NUMBL: variants seen among roughly 807,000 people sequenced by gnomAD.
NUMBL encodes NUMB like endocytic adaptor protein, also known as numb-like protein.
NUMBL carries 20 observed loss-of-function variants against 48.9 expected under a neutral mutation model. The ratio of observed to expected loss-of-function variants is 0.41; its 90% CI spans 0.29 to 0.59. NUMBL has a LOEUF of 0.59. Among genes scored for constraint, NUMBL ranks in the 20% least tolerant of loss-of-function variants. The pLI, the probability that NUMBL is intolerant of heterozygous loss-of-function variation, is 0.31. For missense variants in NUMBL, 660 were observed against 846.2 expected, an observed-to-expected ratio of 0.78 and a Z score of 2.73; for synonymous variants, 340 against 348.7, an observed-to-expected ratio of 0.98 and a Z score of 0.28.
At chr19:40,678,903 C>T (rs1264539949) in intron 6 of NUMBL, among the ~76,000 whole-genome samples, 1 of 152,040 alleles carries the variant, frequency 6.6e-6, no homozygotes, top group Non-Finnish European at 1.5e-5. Flanking sequence ...CCAGCCTGGC[C>T]AACATGGTGA....
intron 7 of NUMBL, among the ~76,000 whole-genome samples, chr19:40,676,021 C>T (rs1175468411): frequency 3.3e-5 from 5 of 152,026 alleles, no homozygotes; most frequent in East Asian, 1.9e-4. Context: ...TGCACCACCA[C>T]GCCTGGCTAA....
chr19:40,669,746 T>G, intron 9 of NUMBL, 152 bp downstream of exon 9: 17 of 922,400 alleles, frequency 1.8e-5, no homozygotes, highest in Non-Finnish European at 2.5e-5. Flanking sequence ...AGATGATCCA[T>G]GGTTGTAGGA....
At chr19:40,675,169 A>C (rs1264779402) in intron 7 of NUMBL, among the ~76,000 whole-genome samples, 1 of 148,372 alleles carries the variant, frequency 6.7e-6, no homozygotes, top group East Asian at 1.9e-4. Flanking sequence ...AAAAAAAAAA[A>C]ACTTAGCTGG....
At chr19:40,677,685 A>G (rs10426415) in intron 6 of NUMBL, among the ~76,000 whole-genome samples, 24,282 of 152,034 alleles carry the variant, frequency 0.16, 2,165 homozygotes, top group African/African-American at 0.23. Context: ...TTCTATGGTG[A>G]AAAAAAGTCA....
intron 2 of NUMBL, among the ~76,000 whole-genome samples, chr19:40,686,506 A>C (rs2081935189): frequency 6.6e-6 from 1 of 152,188 alleles, no homozygotes; most frequent in Non-Finnish European, 1.5e-5. Flanking sequence ...GTCTGTATCC[A>C]GCGAGCGTCT....
chr19:40,679,045 C>T (rs1284479840), intron 6 of NUMBL, among the ~76,000 whole-genome samples: 5 of 152,046 alleles, frequency 3.3e-5, no homozygotes, highest in Non-Finnish European at 5.9e-5. Flanking sequence ...GAGCCAAGAT[C>T]GTGCCACTGT....
chr19:40,668,213 T>C (rs1599900362), intron 9 of NUMBL, 75 bp from the exon 10 acceptor site: 1 of 1,494,464 alleles, frequency 6.7e-7, no homozygotes, highest in Non-Finnish European at 8.9e-7. Context: ...GGAACTGGCA[T>C]GGTGTGGGGA....
At chr19:40,683,519 G>A (rs980762430) in intron 3 of NUMBL, among the ~76,000 whole-genome samples, 2 of 152,156 alleles carry the variant, frequency 1.3e-5, no homozygotes, top group African/African-American at 4.8e-5. Flanking sequence ...CCCAAATGAA[G>A]CCGTCACATT....
rs570305223 is a variant in NUMBL at position 40,668,822 on chromosome 19, A to G, written c.1160-684T>C. 2.0e-5 allele frequency among the ~76,000 whole-genome samples: 3 copies of G among 152,288 alleles called. No homozygotes were observed. In the East Asian group the frequency reaches 5.8e-4, roughly 29 times the overall value. ...TACCTTCAGAATGTATTGTTTTAGGAGTTAAGATTCTAAGATTGCATGGAT... is the reference window on the plus strand; with the variant it reads ...TACCTTCAGAATGTATTGTTTTAGGGGTTAAGATTCTAAGATTGCATGGAT... On this transcript the variant is annotated intron_variant, in intron 9 of 9. Coordinates refer to ENST00000252891, the MANE Select transcript of NUMBL (RefSeq NM_004756.5).
Position 40,682,871 on chromosome 19 carries a change from C to G in NUMBL, c.324+23G>C. 1.9e-6 allele frequency: 3 copies of G among 1,614,102 alleles called. No homozygotes were observed. The highest frequency in any genetic ancestry group is 2.5e-6 in the Non-Finnish European group (3 of 1,180,012). On this transcript the variant is annotated intron_variant, in intron 4 of 9. Transcript: ENST00000252891. The surrounding 1 kb of genome is among the most constrained non-coding windows in gnomAD (Gnocchi z 4.0). ...CTCCCTGTCTGACCTTGCCCCCTCCCTCATGGCAGCCCCCTCACTCACCGC... is the reference window on the plus strand; with the variant it reads ...CTCCCTGTCTGACCTTGCCCCCTCCGTCATGGCAGCCCCCTCACTCACCGC...
chr19:40,686,558 G>GTA (rs140539259), intron 2 of NUMBL, among the ~76,000 whole-genome samples: 1 of 151,800 alleles, frequency 6.6e-6, no homozygotes, highest in Admixed American at 6.6e-5. Context: ...GAATGTGTGT[G>GTA]TGTGTATATA....
At position 40,688,852 on chromosome 19, in the gene NUMBL, G is replaced by A. The variant is rs771839473; in HGVS notation, c.24+1608C>T. Among the ~76,000 whole-genome samples, 2 of 152,086 alleles carry A rather than the reference G, an allele frequency of 1.3e-5. No individual in the cohort carries two copies. Among genetic ancestry groups the A allele is most frequent in the African/African-American group, 4.8e-5 (2 of 41,404 alleles). ...AGGCTAGAAATACACACAATCACTC[G>A]TTATCACACACACTGCTAGATACAG... On this transcript the variant is annotated intron_variant, in intron 1 of 9. Coordinates refer to ENST00000252891, the MANE Select transcript of NUMBL (RefSeq NM_004756.5). This position sits in a 1 kb window ranked among gnomAD's most constrained non-coding sequence, Gnocchi z 4.6.
In NUMBL at chr19:40,669,965, G is replaced by A. The variant is rs2081838035; in HGVS notation, c.1092C>T (p.Cys364=). 6.2e-7 allele frequency: 1 copy of A among 1,614,112 alleles called. No individual in the cohort carries two copies. Among genetic ancestry groups the A allele is most frequent in the Non-Finnish European group, 8.5e-7 (1 of 1,179,978 alleles). The change falls in exon 9 of 10, where the codon TGC becomes TGT. Residue 364 remains cysteine, a synonymous_variant. Transcript: ENST00000252891. ...TGGCAAAAGATGAACTGATCTGTGT[G>A]CACAGAGCGTTGATGCTGTCACTGT... ...AGDSDSINAL[C]TQISSSFASA... is the part of the protein sequence containing the mutation.
rs980805850 is a variant in NUMBL at position 40,667,294 on chromosome 19, A to T, written c.*174T>A. On this transcript the variant is annotated 3_prime_UTR_variant, in exon 10 of 10. Transcript: ENST00000252891. This position sits in a 1 kb window ranked among gnomAD's most constrained non-coding sequence, Gnocchi z 6.1. Reference sequence around the variant, plus strand: ...CCGTCCCTGAATTCCATCCTGTTGCAACCTGGGCGTCACAATGTTGGTTCT... The same window carrying T: ...CCGTCCCTGAATTCCATCCTGTTGCTACCTGGGCGTCACAATGTTGGTTCT... 1.1e-6 allele frequency: 1 copy of T among 935,344 alleles called. No homozygotes were observed. Among genetic ancestry groups the T allele is most frequent in the Non-Finnish European group, 1.6e-6 (1 of 644,174 alleles). 57.9% of individuals were successfully genotyped at this position (935,344 alleles called of 1,614,324 possible).
chr19:40,684,891 C>A (rs2081926430), intron 2 of NUMBL: 2 of 287,524 alleles, frequency 7.0e-6, no homozygotes, highest in Non-Finnish European at 1.3e-5. Flanking sequence ...TTCCTCATTC[C>A]CAGGGCCGTG....
chr19:40,667,126 T>G lies in NUMBL; in HGVS notation c.*342A>C, dbSNP rs1599898592. 2.0e-5 allele frequency: 6 copies of G among 301,426 alleles called. No individual in the cohort carries two copies. Among genetic ancestry groups the G allele is most frequent in the South Asian group, 3.2e-5 (1 of 31,456 alleles). The allele number at this position is 301,426 out of a possible 1,614,324, so 18.7% of individuals were successfully genotyped here. A position where few individuals can be genotyped will look rare whatever the true frequency, so the allele number is the denominator to read the frequency against. On this transcript the variant is annotated 3_prime_UTR_variant, in exon 10 of 10. Transcript: ENST00000252891. The surrounding 1 kb of genome is among the most constrained non-coding windows in gnomAD (Gnocchi z 6.1). ...CTCCATCCTGTCCAACACTGGAAGG[T>G]GGGGGTCAACAGAAACTGGGAAATG...
intron 9 of NUMBL, 95 bp from the exon 10 acceptor site, chr19:40,668,233 G>A (rs540649734): frequency 4.4e-5 from 64 of 1,458,744 alleles, no homozygotes; most frequent in Non-Finnish European, 5.4e-5. Flanking sequence ...ATCAGAGCAC[G>A]GACTCTGGAG....
chr19:40,672,534 C>T (rs777418525), intron 8 of NUMBL, among the ~76,000 whole-genome samples: 1 of 152,234 alleles, frequency 6.6e-6, no homozygotes, highest in Non-Finnish European at 1.5e-5. Flanking sequence ...CCCCTGACCC[C>T]TGGGATCTCT....
intron 7 of NUMBL, among the ~76,000 whole-genome samples, chr19:40,674,242 C>G (rs1306058014): frequency 6.6e-6 from 1 of 152,160 alleles, no homozygotes; most frequent in East Asian, 1.9e-4. Context: ...CTGTCACTGT[C>G]TGTTCCCCTC....
Sources: allele counts gnomAD v4.1 joint callset (sites outside exome capture counted in the v4.1 genomes callset), GRCh38; gene constraint gnomAD v4.1.1; non-coding constraint Gnocchi (gnomAD v3.1); transcripts MANE v1.5; gene names NCBI Gene and HGNC (gene_info 2026-07-23, HGNC 2026-07-21).